AHCTF1: variants seen among roughly 807,000 people sequenced by gnomAD.
The protein encoded by AHCTF1 is protein ELYS.
A neutral mutation model predicts 248.4 loss-of-function variants in AHCTF1; 24 were observed. That is an observed-to-expected ratio of 0.10 (90% CI 0.07 to 0.14). The LOEUF (loss-of-function observed/expected upper bound fraction) is 0.14, where lower values mean the gene tolerates loss of function less well. Ranked by LOEUF, AHCTF1 falls within the 10% of genes least tolerant of loss-of-function variation. The pLI is 1.00. For synonymous variants in AHCTF1, 786 were observed against 929.8 expected (o/e 0.85, Z 2.81); for missense variants, 2,206 against 2,636.2 (o/e 0.84, Z 3.57).
intron 24 of AHCTF1, among the ~76,000 whole-genome samples, chr1:246,869,084 T>C (rs1262094987): frequency 6.6e-6 from 1 of 151,212 alleles, no homozygotes; most frequent in Non-Finnish European, 1.5e-5. Flanking sequence ...GACCTCGTGA[T>C]CCGCCCGCCT....
rs1659786239 is a variant in AHCTF1 at position 246,840,572 on chromosome 1, T to C, written c.*234A>G. 3 of 247,886 alleles carry C rather than the reference T, an allele frequency of 1.2e-5. No individual in the cohort carries two copies. The highest frequency in any genetic ancestry group is 1.5e-5 in the Non-Finnish European group (2 of 132,328). The allele number at this position is 247,886 out of a possible 1,614,324, so 15.4% of individuals were successfully genotyped here. A position where few individuals can be genotyped will look rare whatever the true frequency, so the allele number is the denominator to read the frequency against. ...AGTATACATTTTATTTAACATTCCA[T>C]TAATAAGCCATATTTACATATATAA... is the stretch of plus-strand genomic sequence containing the variant. On this transcript the variant is annotated 3_prime_UTR_variant, in exon 36 of 36. Coordinates refer to ENST00000648844, the MANE Select transcript of AHCTF1 (RefSeq NM_001323342.2).
chr1:246,860,852 T>A, intron 29 of AHCTF1, 47 bp downstream of exon 29: 3 of 1,572,656 alleles, frequency 1.9e-6, no homozygotes, highest in East Asian at 2.3e-5. Flanking sequence ...TAAACTTTAT[T>A]GAGGGACATT....
intron 4 of AHCTF1, among the ~76,000 whole-genome samples, chr1:246,911,893 T>A (rs1311377076): frequency 6.6e-6 from 1 of 152,154 alleles, no homozygotes; most frequent in Non-Finnish European, 1.5e-5. Flanking sequence ...TTTTGGCTCT[T>A]CCATTTCTTG....
chr1:246,899,667 A>T (rs141660666), intron 10 of AHCTF1, among the ~76,000 whole-genome samples, 155 bp from the exon 11 acceptor site: 1 of 152,320 alleles, frequency 6.6e-6, no homozygotes, highest in East Asian at 1.9e-4. Flanking sequence ...TCATCCTAAG[A>T]ATAGATAACA....
intron 26 of AHCTF1, 173 bp from the exon 27 acceptor site, chr1:246,864,289 T>C: frequency 1.5e-6 from 1 of 651,874 alleles, no homozygotes; most frequent in East Asian, 2.9e-5. Flanking sequence ...CAGAAAATTA[T>C]TCATCGCAAA....
intron 34 of AHCTF1, 147 bp from the exon 35 acceptor site, chr1:246,842,923 G>C (rs1659986616): frequency 1.5e-6 from 1 of 645,176 alleles, no homozygotes; most frequent in South Asian, 1.9e-5. Flanking sequence ...ATACCTTTTA[G>C]TAGAAACCTT....
At chr1:246,896,975 T>C (rs1664626802) in intron 12 of AHCTF1, among the ~76,000 whole-genome samples, 1 of 152,188 alleles carries the variant, frequency 6.6e-6, no homozygotes, top group African/African-American at 2.4e-5. Flanking sequence ...GCTACTAACA[T>C]TATTACCTAT....
chr1:246,925,555 G>A (rs550663886), intron 1 of AHCTF1, among the ~76,000 whole-genome samples: 3 of 152,166 alleles, frequency 2.0e-5, no homozygotes, highest in Admixed American at 6.5e-5. Flanking sequence ...AGGAGTTGTA[G>A]GTTGCAGTAA....
At chr1:246,843,354 G>T (rs773936757) in intron 34 of AHCTF1, among the ~76,000 whole-genome samples, 1 of 152,242 alleles carries the variant, frequency 6.6e-6, no homozygotes, top group African/African-American at 2.4e-5. Context: ...GAATTTGCCT[G>T]AATTATTCTT....
At chr1:246,875,619 A>G (rs1662882148) in intron 24 of AHCTF1, among the ~76,000 whole-genome samples, 2 of 152,220 alleles carry the variant, frequency 1.3e-5, no homozygotes, top group Admixed American at 1.3e-4. Context: ...AGAAACTGTC[A>G]CAGCCACCTC....
In AHCTF1 at chr1:246,890,005, T is replaced by C. The variant is rs763826400; in HGVS notation, c.2105A>G (p.Tyr702Cys). The C allele has an allele frequency of 6.2e-6, 10 of 1,612,784 alleles. No homozygotes were observed. Among genetic ancestry groups the C allele is most frequent in the African/African-American group, 4.0e-5 (3 of 74,882 alleles). ...LCYNYPVIQN[Y>C]YTSRRQKFER... ...AAACTTCTGTCGACGACTGGTGTAG[T>C]AGTTCTGAATTACAGGGTAGTTGTA... is the stretch of plus-strand genomic sequence containing the variant. Residue 702 changes from tyrosine to cysteine, a missense_variant, in exon 17 of 36, where the codon TAC becomes TGC. Physicochemically the swap from Tyr to Cys is radical, Grantham distance 194 (BLOSUM62 -2). Coordinates refer to ENST00000648844, the MANE Select transcript of AHCTF1 (RefSeq NM_001323342.2).
At chr1:246,847,763 T>C (rs1263949631) in intron 33 of AHCTF1, among the ~76,000 whole-genome samples, 1 of 152,130 alleles carries the variant, frequency 6.6e-6, no homozygotes, top group Non-Finnish European at 1.5e-5. Flanking sequence ...GGTACAGAAA[T>C]GAAAAATAGG....
Position 246,839,608 on chromosome 1 carries a change from C to T in AHCTF1, c.*1198G>A, listed in dbSNP as rs536283277. 7 of 981,510 alleles carry T rather than the reference C, an allele frequency of 7.1e-6. No individual in the cohort carries two copies. The highest frequency in any genetic ancestry group is 2.3e-4 in the East Asian group (2 of 8,806). The allele number at this position is 981,510 out of a possible 1,614,324, so 60.8% of individuals were successfully genotyped here. A position where few individuals can be genotyped will look rare whatever the true frequency, so the allele number is the denominator to read the frequency against. On this transcript the variant is annotated 3_prime_UTR_variant, in exon 36 of 36. Transcript: ENST00000648844. ...GGCATTTTCACCAATTTCTCATTAT[C>T]TGTATTATTTGGTAGAAAAATAAAT...
In AHCTF1 at chr1:246,885,557, T is replaced by C. The variant is rs1373321227; in HGVS notation, c.2596A>G (p.Met866Val). The C allele has an allele frequency of 1.1e-5, 18 of 1,611,776 alleles. No individual in the cohort carries two copies. Among genetic ancestry groups the C allele is most frequent in the Admixed American group, 5.0e-5 (3 of 59,934 alleles). Residue 866 changes from methionine (M) to valine (V), a missense_variant, in exon 21 of 36, where the codon ATG (methionine) becomes GTG (valine). Transcript: ENST00000648844. ...TTACCACTGGACACTGTTGGCTTCA[T>C]TGTCTGAATATATCTGAGGGCTTGT... ...HRQALRYIQT[M>V]KPTVSSGNDV...
Position 246,914,867 on chromosome 1 carries a change from T to A in AHCTF1, c.375+1275A>T, listed in dbSNP as rs116829747. 3.8e-3 allele frequency among the ~76,000 whole-genome samples: 574 copies of A among 152,292 alleles called. 6 individuals are homozygous for A. Among genetic ancestry groups the A allele is most frequent in the African/African-American group, 0.013 (555 of 41,564 alleles). On this transcript the variant is annotated intron_variant, in intron 3 of 35. Transcript: ENST00000648844. ...TGATCAATGAGTGTCCATGTTTCCT[T>A]CTGTATGTGTTCTGAATCTGCCCCA...
chr1:246,922,756 G>A (rs1313744552), intron 1 of AHCTF1, among the ~76,000 whole-genome samples: 3 of 151,344 alleles, frequency 2.0e-5, no homozygotes, highest in Non-Finnish European at 4.4e-5. Flanking sequence ...GCCAAGGAGG[G>A]CGGATCACGA....
chr1:246,927,676 G>C (rs2103260028), intron 1 of AHCTF1, among the ~76,000 whole-genome samples: 1 of 152,350 alleles, frequency 6.6e-6, no homozygotes. Flanking sequence ...AGGCTAGATA[G>C]GCAGAGCAGG....
intron 24 of AHCTF1, among the ~76,000 whole-genome samples, chr1:246,869,002 G>T (rs7551928): frequency 5.3e-5 from 8 of 150,674 alleles, no homozygotes; most frequent in Non-Finnish European, 1.0e-4. Flanking sequence ...CCGCCACCAT[G>T]CCTGGCTAAC....
intron 15 of AHCTF1, 118 bp from the exon 16 acceptor site, chr1:246,891,178 A>G (rs953997094): frequency 3.9e-5 from 23 of 583,542 alleles, no homozygotes; most frequent in African/African-American, 3.3e-4. Flanking sequence ...TTACATATAC[A>G]TATTTGTTCA....
Sources: gnomAD v4.1 joint callset for allele counts (sites outside exome capture counted in the v4.1 genomes callset) on GRCh38, gnomAD v4.1.1 for gene constraint, MANE v1.5 for transcripts, NCBI Gene and HGNC (gene_info 2026-07-23, HGNC 2026-07-21) for gene names.